The following TRAK1 variants were observed in gnomAD, a reference collection of about 807,000 sequenced individuals.
The protein encoded by TRAK1 is trafficking kinesin protein 1, also known as trafficking kinesin-binding protein 1.
TRAK1 carries 33 observed loss-of-function variants against 92.1 expected under a neutral mutation model. The observed-to-expected ratio is 0.36, with a 90% CI of 0.27 to 0.48. The LOEUF (loss-of-function observed/expected upper bound fraction) is 0.48, where lower values mean the gene tolerates loss of function less well. Ranked by LOEUF, TRAK1 falls within the 20% of genes least tolerant of loss-of-function variation. The pLI is 0.99. For synonymous variants in TRAK1, 521 were observed against 517.3 expected (o/e 1.01, Z -0.10); for missense variants, 1,123 against 1,257.9 (o/e 0.89, Z 1.62).
chr3:42,082,501 G>A (rs546069084), upstream of TRAK1, among the ~76,000 whole-genome samples: 29 of 152,162 alleles, frequency 1.9e-4, no homozygotes, highest in Non-Finnish European at 2.6e-4. Context: ...GGGAGACTGA[G>A]GCAGAATTGC....
intron 1 of TRAK1, among the ~76,000 whole-genome samples, chr3:42,052,012 C>T (rs1559723796): frequency 6.6e-6 from 1 of 152,186 alleles, no homozygotes; most frequent in Non-Finnish European, 1.5e-5. Flanking sequence ...GACAGCTTAG[C>T]ATGTGACCAG....
Position 42,134,015 on chromosome 3 carries a change from GAACA to G in TRAK1, c.286+8402_286+8405del, listed in dbSNP as rs145048603. Among the ~76,000 whole-genome samples the G allele has an allele frequency of 3.5e-3, 526 of 152,264 alleles. 1 individual carries two copies. Among genetic ancestry groups the G allele is most frequent in the African/African-American group, 0.012 (485 of 41,552 alleles). ...TTACATTAATAAGCAAAACAGGCGT[GAACA>G]GACAGGTTGGGAACACACACATGAC... On this transcript the variant is annotated intron_variant, in intron 2 of 15. Transcript: ENST00000327628.
Position 42,030,672 on chromosome 3 carries a change from CA to C in TRAK1, c.-519+16570del, listed in dbSNP as rs1322619455. Among the ~76,000 whole-genome samples, 220 of 40,392 alleles carry C rather than the reference CA, an allele frequency of 5.4e-3. 4 individuals are homozygous for C. The highest frequency in any genetic ancestry group is 0.012 in the African/African-American group (103 of 8,890). The allele number at this position is 40,392 out of a possible 152,430, so 26.5% of individuals were successfully genotyped here. A position where few individuals can be genotyped will look rare whatever the true frequency, so the allele number is the denominator to read the frequency against. On this transcript the variant is annotated intron_variant, in intron 1 of 16. Transcript: ENST00000487159. ...TGGGTGACAGAGGGAGACTCCATCT[CA>C]AAAAAAAAAAAAAAGAATATATATA...
At chr3:42,126,744 A>G in intron 2 of TRAK1, among the ~76,000 whole-genome samples, 1 of 152,218 alleles carries the variant, frequency 6.6e-6, no homozygotes. Flanking sequence ...TTACTAATAC[A>G]GGCTGATCTC....
At chr3:42,085,936 G>T (rs999230065), upstream of TRAK1, among the ~76,000 whole-genome samples, 2 of 152,218 alleles carry the variant, frequency 1.3e-5, no homozygotes, top group Non-Finnish European at 2.9e-5. Context: ...GTACATCCAT[G>T]AAAGAGTGAG....
At chr3:42,103,213 G>GCTGAAGTGCGGTGGCGTGAT (rs1707052154) in intron 1 of TRAK1, among the ~76,000 whole-genome samples, 1 of 152,096 alleles carries the variant, frequency 6.6e-6, no homozygotes, top group African/African-American at 2.4e-5. Flanking sequence ...TGTCCCCCAG[G>GCTGAAGTGCGGTGGCGTGAT]CTGAAGTGCG....
In TRAK1 at chr3:42,187,915, A is replaced by G. The variant is rs2149408320; in HGVS notation, c.481-130A>G. 3.9e-6 allele frequency: 3 copies of G among 764,174 alleles called. No individual in the cohort carries two copies. The South Asian group carries it at 4.7e-5, about 12-fold the overall frequency. 47.3% of individuals were successfully genotyped at this position (764,174 alleles called of 1,614,324 possible). On this transcript the variant is annotated intron_variant, in intron 4 of 15. Coordinates refer to ENST00000327628, the MANE Select transcript of TRAK1 (RefSeq NM_001042646.3). ...TTTTTGAATAGCACAAAATCAGTTT[A>G]AATGCTTTCACTTTCAATGGTGAAT...
intron 2 of TRAK1, chr3:42,149,403 T>C: frequency 6.8e-7 from 1 of 1,470,478 alleles, no homozygotes; most frequent in Non-Finnish European, 9.0e-7. Context: ...GTTAAGAATG[T>C]ACAGCCTAAT....
At chr3:42,021,442 A>G (rs1037531187) in intron 1 of TRAK1, among the ~76,000 whole-genome samples, 11 of 152,044 alleles carry the variant, frequency 7.2e-5, no homozygotes, top group African/African-American at 2.2e-4. Flanking sequence ...GTGTAGATAC[A>G]ATGCAGCACA....
chr3:42,038,787 C>CAAA (rs34444971), intron 1 of TRAK1, among the ~76,000 whole-genome samples: 22 of 62,580 alleles, frequency 3.5e-4, no homozygotes, highest in African/African-American at 3.7e-4. Flanking sequence ...GACTTCATCT[C>CAAA]AAAAAAAAAA....
chr3:42,123,994 T>C (rs964330873), intron 1 of TRAK1, among the ~76,000 whole-genome samples: 2 of 152,020 alleles, frequency 1.3e-5, no homozygotes, highest in Non-Finnish European at 2.9e-5. Flanking sequence ...TAAAATTAGC[T>C]GGGTTTGATG....
intron 1 of TRAK1, among the ~76,000 whole-genome samples, chr3:42,045,931 A>G (rs1702732910): frequency 1.3e-5 from 2 of 152,232 alleles, no homozygotes; most frequent in South Asian, 2.1e-4. Context: ...AATCAGGCCT[A>G]TATTCCAGGG....
At chr3:42,032,609 T>G (rs1168178448) in intron 1 of TRAK1, among the ~76,000 whole-genome samples, 1 of 152,246 alleles carries the variant, frequency 6.6e-6, no homozygotes, top group Non-Finnish European at 1.5e-5. Flanking sequence ...TGGCTGTCTT[T>G]TGTATTAATG....
chr3:42,019,670 TATATG>T (rs1407014782), intron 1 of TRAK1, among the ~76,000 whole-genome samples: 2 of 152,208 alleles, frequency 1.3e-5, no homozygotes, highest in Non-Finnish European at 2.9e-5. Context: ...ATGTAGAACA[TATATG>T]ATACAACCTA....
rs754675442 is a variant in TRAK1 at position 42,200,887 on chromosome 3, TTC to T, written c.1263_1264del (p.Pro422HisfsTer57). 1 of 1,614,150 alleles carries T rather than the reference TTC, an allele frequency of 6.2e-7. No individual in the cohort carries two copies. Among genetic ancestry groups the T allele is most frequent in the Non-Finnish European group, 8.5e-7 (1 of 1,180,020 alleles). On this transcript the variant is annotated frameshift_variant, in exon 12 of 16. Transcript: ENST00000327628. LOFTEE classifies it high-confidence loss of function. ...QVVKQRSLTP[S>X]PMNIPGSNQS... ...TTGTCAAGCAGAGATCTCTGACCCC[TTC>T]TCCCATGAACATCCCCGGCTCCAAC...
chr3:42,014,969 A>G (rs1701460837), intron 1 of TRAK1, among the ~76,000 whole-genome samples: 1 of 152,226 alleles, frequency 6.6e-6, no homozygotes, highest in Non-Finnish European at 1.5e-5. Flanking sequence ...GAAACGGTCT[A>G]GTTCCAGGGT....
chr3:42,143,712 T>C (rs1206826531), intron 2 of TRAK1, among the ~76,000 whole-genome samples: 2 of 151,996 alleles, frequency 1.3e-5, no homozygotes, highest in African/African-American at 4.8e-5. Context: ...TGTCAGGTCA[T>C]GGTAGGGAGG....
At chr3:42,015,039 T>A (rs1701462927) in intron 1 of TRAK1, among the ~76,000 whole-genome samples, 1 of 152,180 alleles carries the variant, frequency 6.6e-6, no homozygotes, top group South Asian at 2.1e-4. Flanking sequence ...TAAGCTCTGA[T>A]TAGCCCTGGA....
At chr3:42,172,403 T>A (rs1363980692) in intron 2 of TRAK1, among the ~76,000 whole-genome samples, 1 of 152,138 alleles carries the variant, frequency 6.6e-6, no homozygotes, top group Non-Finnish European at 1.5e-5. Flanking sequence ...TCCCACTCAG[T>A]TTTAGTTCTT....
Sources: allele counts gnomAD v4.1 joint callset (sites outside exome capture counted in the v4.1 genomes callset), GRCh38; gene constraint gnomAD v4.1.1; transcripts MANE v1.5; gene names NCBI Gene and HGNC (gene_info 2026-07-23, HGNC 2026-07-21).